Variants in PRR22 observed in about 807,000 individuals in gnomAD.
The protein encoded by PRR22 is proline-rich protein 22.
A neutral mutation model predicts 7.2 loss-of-function variants in PRR22; 5 were observed. That is an observed-to-expected ratio of 0.69 (90% CI 0.36 to 1.45). The LOEUF is 1.45. PRR22 is among the 40% of genes most tolerant of loss of function. The pLI, the probability that PRR22 is intolerant of heterozygous loss-of-function variation, is 0.03. For missense variants in PRR22, 619 were observed against 568.8 expected, an observed-to-expected ratio of 1.09 and a Z score of -0.90; for synonymous variants, 319 against 269.3, an observed-to-expected ratio of 1.18 and a Z score of -1.81.
In PRR22 at chr19:5,783,883, G is replaced by A. The variant is rs1365764083; in HGVS notation, c.364C>T (p.Leu122Phe). Reference sequence around the variant, plus strand: ...TATGGAGGCAGCCCCGGGGCCTTGAGGTAGGGCTGAGGCTCCAGGAGGTAG... The same window carrying A: ...TATGGAGGCAGCCCCGGGGCCTTGAAGTAGGGCTGAGGCTCCAGGAGGTAG... The part of the protein sequence containing the change: ...GSYLLEPQPY[L>F]KAPGLPPYPH... Residue 122 changes from leucine to phenylalanine, a missense_variant, in exon 3 of 3, where the codon CTC (leucine) becomes TTC (phenylalanine). By Grantham distance (22) the Leu-to-Phe change is conservative (BLOSUM62 0). Coordinates refer to ENST00000419421, the MANE Select transcript of PRR22 (RefSeq NM_001134316.2). 4 of 1,573,182 alleles carry A rather than the reference G, an allele frequency of 2.5e-6. No individual in the cohort carries two copies. The highest frequency in any genetic ancestry group is 3.4e-6 in the Non-Finnish European group (4 of 1,160,554).
At position 5,783,661 on chromosome 19, in the gene PRR22, C is replaced by A; in HGVS notation, c.586G>T (p.Val196Leu). The A allele has an allele frequency of 6.6e-7, 1 of 1,524,448 alleles. No individual in the cohort carries two copies. The highest frequency in any genetic ancestry group is 8.7e-7 in the Non-Finnish European group (1 of 1,145,424). The allele number at this position is 1,524,448 out of a possible 1,614,324, so 94.4% of individuals were successfully genotyped here. Residue 196 changes from valine to leucine, a missense_variant, in exon 3 of 3, where the codon GTA becomes TTA. Val to Leu is a conservative substitution (Grantham distance 32). Transcript: ENST00000419421. Reference sequence around the variant, plus strand: ...GGCTCTGCAGGCAGCGTGATGAGTACAGGGGGCGGCTTGTTCTCCTTGGGG... The same window carrying A: ...GGCTCTGCAGGCAGCGTGATGAGTAAAGGGGGCGGCTTGTTCTCCTTGGGG... Reference protein sequence around the residue: ...PPPKENKPPPVLITLPAEPTL... With the variant: ...PPPKENKPPPLLITLPAEPTL...
chr19:5,784,019 G>C lies in PRR22; in HGVS notation c.228C>G (p.Asp76Glu). ...FQMAPCGCFF[D>E]PRIYRIEWTT... ...TCCACTCGATCCGATAGATGCGGGG[G>C]TCGAAGAAGCACCCGCATGGGGCCA... The change falls in exon 3 of 3, where the codon GAC (aspartate) becomes GAG (glutamate). Residue 76 changes from aspartate to glutamate, a missense_variant. Transcript: ENST00000419421. 1 of 1,610,972 alleles carries C rather than the reference G, an allele frequency of 6.2e-7. No homozygotes were observed.
chr19:5,783,014 C>T lies in PRR22; in HGVS notation c.1233G>A (p.Pro411=), dbSNP rs575155632. The change falls in exon 3 of 3, where the codon CCG becomes CCA. Residue 411 remains proline, a synonymous_variant. Coordinates refer to ENST00000419421, the MANE Select transcript of PRR22 (RefSeq NM_001134316.2). ...QPAGPASATP[P]GPREDLGATP... The stretch of plus-strand genomic sequence containing the variant: ...TGGCTCCCAGGTCCTCCCTGGGCCC[C>T]GGGGGAGTGGCGCTGGCTGGGCCTG... 2.6e-5 allele frequency: 40 copies of T among 1,547,710 alleles called. No homozygotes were observed. The highest frequency in any genetic ancestry group is 1.8e-4 in the Middle Eastern group (1 of 5,640).
rs746595473 is a variant in PRR22, at chr19:5,784,006, G to A, written c.241C>T (p.Arg81Trp). ...CGCFFDPRIY[R>W]IEWTTPDLGQ... ...AGGTCGGGGGTGGTCCACTCGATCC[G>A]ATAGATGCGGGGGTCGAAGAAGCAC... The change falls in exon 3 of 3, where the codon CGG (arginine) becomes TGG (tryptophan). Residue 81 changes from arginine to tryptophan, a missense_variant. Physicochemically the swap from Arg to Trp is moderately radical, Grantham distance 101 (BLOSUM62 -3). Coordinates refer to ENST00000419421, the MANE Select transcript of PRR22 (RefSeq NM_001134316.2). The A allele has an allele frequency of 1.1e-5, 18 of 1,610,398 alleles. No homozygotes were observed. The Admixed American group carries it at 1.2e-4, about 10-fold the overall frequency.
At position 5,783,835 on chromosome 19, in the gene PRR22, C is replaced by G; in HGVS notation, c.412G>C (p.Gly138Arg). 1 of 1,543,322 alleles carries G rather than the reference C, an allele frequency of 6.5e-7. No individual in the cohort carries two copies. The highest frequency in any genetic ancestry group is 8.7e-7 in the Non-Finnish European group (1 of 1,143,696). ...TAGGGCAAGAGAAACTGGGGCCCCC[C>G]GGGTGCCTGCTGGTAGTGGGGGTAT... Reference protein sequence around the residue: ...PPYPHYQQAPGGPQFLLPYFP... With the variant: ...PPYPHYQQAPRGPQFLLPYFP... The change falls in exon 3 of 3, where the codon GGG becomes CGG. Residue 138 changes from glycine (G) to arginine (R), a missense_variant. Gly to Arg is a moderately radical substitution (Grantham distance 125, BLOSUM62 -2). Transcript: ENST00000419421.
At position 5,783,019 on chromosome 19, in the gene PRR22, G is replaced by T. The variant is rs762760503; in HGVS notation, c.1228C>A (p.Pro410Thr). 12 of 1,552,442 alleles carry T rather than the reference G, an allele frequency of 7.7e-6. No homozygotes were observed. The highest frequency in any genetic ancestry group is 4.5e-5 in the East Asian group (2 of 44,404). The change falls in exon 3 of 3, where the codon CCC (proline) becomes ACC (threonine). Residue 410 changes from proline (P) to threonine (T), a missense_variant. Pro to Thr is a conservative substitution (Grantham distance 38). Transcript: ENST00000419421. ...RQPAGPASAT[P>T]PGPREDLGAT... Reference sequence around the variant, plus strand: ...CCCAGGTCCTCCCTGGGCCCCGGGGGAGTGGCGCTGGCTGGGCCTGCCGGC... The same window carrying T: ...CCCAGGTCCTCCCTGGGCCCCGGGGTAGTGGCGCTGGCTGGGCCTGCCGGC...
rs548876705 is a variant in PRR22, at chr19:5,783,135, G to A, written c.1112C>T (p.Pro371Leu). The change falls in exon 3 of 3, where the codon CCC (proline) becomes CTC (leucine). Residue 371 changes from proline to leucine, a missense_variant. By Grantham distance (98) the Pro-to-Leu change is moderately conservative. Coordinates refer to ENST00000419421, the MANE Select transcript of PRR22 (RefSeq NM_001134316.2). Reference sequence around the variant, plus strand: ...GGGGGCCGGGGTGTTGGTGGCAGGGGGCCCCGGGTGGGGCGGCTGCTCCTC... The same window carrying A: ...GGGGGCCGGGGTGTTGGTGGCAGGGAGCCCCGGGTGGGGCGGCTGCTCCTC... Reference protein sequence around the residue: ...LDEEQPPHPGPPATNTPAPIL... With the variant: ...LDEEQPPHPGLPATNTPAPIL... The A allele has an allele frequency of 6.2e-7, 1 of 1,612,478 alleles. No individual in the cohort carries two copies. Among genetic ancestry groups the A allele is most frequent in the Non-Finnish European group, 8.5e-7 (1 of 1,179,822 alleles).
At position 5,783,447 on chromosome 19, in the gene PRR22, C is replaced by A; in HGVS notation, c.800G>T (p.Gly267Val). The A allele has an allele frequency of 1.2e-6, 2 of 1,610,612 alleles. No homozygotes were observed. Among genetic ancestry groups the A allele is most frequent in the South Asian group, 2.2e-5 (2 of 90,870 alleles). Residue 267 changes from glycine (G) to valine (V), a missense_variant, in exon 3 of 3, where the codon GGC (glycine) becomes GTC (valine). Transcript: ENST00000419421. ...EVKEGALLGAGKAKAPKTARA... is the reference protein window; with the variant it reads ...EVKEGALLGAVKAKAPKTARA... ...GGCCGTCTTGGGGGCCTTGGCCTTG[C>A]CTGCTCCCAGCAGGGCCCCCTCCTT...
rs2056810658 is a variant in PRR22 at position 5,783,357 on chromosome 19, G to A, written c.890C>T (p.Pro297Leu). 16 of 1,612,652 alleles carry A rather than the reference G, an allele frequency of 9.9e-6. No homozygotes were observed. The highest frequency in any genetic ancestry group is 1.4e-5 in the Non-Finnish European group (16 of 1,179,928). The part of the protein sequence containing the change: ...EDAMKLFDCL[P>L]GASEPEGTLC... The stretch of plus-strand genomic sequence containing the variant: ...GGTACCCTCAGGCTCAGAGGCGCCT[G>A]GCAGGCAGTCGAAGAGCTTCATGGC... The change falls in exon 3 of 3, where the codon CCA becomes CTA. Residue 297 changes from proline (P) to leucine (L), a missense_variant. Coordinates refer to ENST00000419421, the MANE Select transcript of PRR22 (RefSeq NM_001134316.2).
chr19:5,784,170 GGAC>G, intron 2 of PRR22, 117 bp from the exon 3 acceptor site: 1 of 1,110,152 alleles, frequency 9.0e-7, no homozygotes, highest in Non-Finnish European at 1.4e-6. Context: ...CCCCTTTGGG[GGAC>G]GACATAGATA....
rs1185415438 is a variant in PRR22, at chr19:5,783,665, G to A, written c.582C>T (p.Pro194=). The change falls in exon 3 of 3, where the codon CCC becomes CCT. Residue 194 remains proline, a synonymous_variant. Transcript: ENST00000419421. The part of the protein sequence containing the change: ...PPPPPKENKP[P]PVLITLPAEP... ...CTGCAGGCAGCGTGATGAGTACAGGGGGCGGCTTGTTCTCCTTGGGGGGTG... is the reference window on the plus strand; with the variant it reads ...CTGCAGGCAGCGTGATGAGTACAGGAGGCGGCTTGTTCTCCTTGGGGGGTG... 1.4e-5 allele frequency: 22 copies of A among 1,550,576 alleles called. No individual in the cohort carries two copies. Among genetic ancestry groups the A allele is most frequent in the Non-Finnish European group, 1.8e-5 (21 of 1,152,430 alleles).
chr19:5,783,914 T>C lies in PRR22; in HGVS notation c.333A>G (p.Pro111=). ...SGGPAGVPSA[P]GSYLLEPQPY... is the part of the protein sequence containing the mutation. ...GCTGAGGCTCCAGGAGGTAGCTGCCTGGGGCGGAGGGGACCCCCGCTGGCC... is the reference window on the plus strand; with the variant it reads ...GCTGAGGCTCCAGGAGGTAGCTGCCCGGGGCGGAGGGGACCCCCGCTGGCC... Residue 111 remains proline, a synonymous_variant, in exon 3 of 3, where the codon CCA becomes CCG. Coordinates refer to ENST00000419421, the MANE Select transcript of PRR22 (RefSeq NM_001134316.2). 6.3e-7 allele frequency: 1 copy of C among 1,575,746 alleles called. No individual in the cohort carries two copies. Among genetic ancestry groups the C allele is most frequent in the Non-Finnish European group, 8.6e-7 (1 of 1,161,946 alleles).
Position 5,783,091 on chromosome 19 carries a change from T to C in PRR22, c.1156A>G (p.Lys386Glu), listed in dbSNP as rs1310785245. The change falls in exon 3 of 3, where the codon AAG (lysine) becomes GAG (glutamate). Residue 386 changes from lysine to glutamate, a missense_variant. Transcript: ENST00000419421. The stretch of plus-strand genomic sequence containing the variant: ...TTTCCCTTCTTGGCCGTCGAGGCCT[T>C]TCTCTTGCCAGACAGAATGGGGGCC... ...TPAPILSGKR[K>E]ASTAKKGKPG... 3 of 1,608,980 alleles carry C rather than the reference T, an allele frequency of 1.9e-6. No homozygotes were observed. The East Asian group carries it at 6.7e-5, about 36-fold the overall frequency.
At position 5,783,982 on chromosome 19, in the gene PRR22, G is replaced by GAT. The variant is rs2056816496; in HGVS notation, c.264_265insAT (p.Leu89IlefsTer89). On this transcript the variant is annotated frameshift_variant, in exon 3 of 3. Coordinates refer to ENST00000419421, the MANE Select transcript of PRR22 (RefSeq NM_001134316.2). LOFTEE classifies it low-confidence loss of function (END_TRUNC). ...AGCTTATACAGGGCTGACTGGCCCA[G>GAT]GTCGGGGGTGGTCCACTCGATCCGA... 2 of 1,609,200 alleles carry GAT rather than the reference G, an allele frequency of 1.2e-6. No individual in the cohort carries two copies. Among genetic ancestry groups the GAT allele is most frequent in the Non-Finnish European group, 1.7e-6 (2 of 1,178,504 alleles).
Position 5,784,024 on chromosome 19 carries a change from A to C in PRR22, c.223T>G (p.Phe75Val). 1 of 1,611,018 alleles carries C rather than the reference A, an allele frequency of 6.2e-7. No homozygotes were observed. The highest frequency in any genetic ancestry group is 1.1e-5 in the South Asian group (1 of 90,986). ...TCGATCCGATAGATGCGGGGGTCGA[A>C]GAAGCACCCGCATGGGGCCATCTGG... is the stretch of plus-strand genomic sequence containing the variant. ...GFQMAPCGCF[F>V]DPRIYRIEWT... The change falls in exon 3 of 3, where the codon TTC becomes GTC. Residue 75 changes from phenylalanine to valine, a missense_variant. Coordinates refer to ENST00000419421, the MANE Select transcript of PRR22 (RefSeq NM_001134316.2).
Position 5,784,527 on chromosome 19 carries a change from G to A in PRR22, c.130+4C>T, listed in dbSNP as rs765864005. On this transcript the variant is annotated splice_donor_region_variant and intron_variant, in intron 1 of 2. Transcript: ENST00000419421. Reference sequence around the variant, plus strand: ...AGCAGGTGCTCCCACCCACCCGATCGTACCCATAGCGGGAGGAGGCTCGGC... The same window carrying A: ...AGCAGGTGCTCCCACCCACCCGATCATACCCATAGCGGGAGGAGGCTCGGC... 10 of 1,550,080 alleles carry A rather than the reference G, an allele frequency of 6.5e-6. No individual in the cohort carries two copies. Among genetic ancestry groups the A allele is most frequent in the East Asian group, 4.9e-5 (2 of 40,932 alleles).
Position 5,783,062 on chromosome 19 carries a change from C to G in PRR22, c.1185G>C (p.Pro395=). 1 of 1,590,038 alleles carries G rather than the reference C, an allele frequency of 6.3e-7. No individual in the cohort carries two copies. Among genetic ancestry groups the G allele is most frequent in the Non-Finnish European group, 8.6e-7 (1 of 1,167,516 alleles). Residue 395 remains proline (P), a synonymous_variant, in exon 3 of 3, where the codon CCG becomes CCC. Transcript: ENST00000419421. ...CTGCCGGCTGCCTGGCCTTCCTTCC[C>G]GGCTTTCCCTTCTTGGCCGTCGAGG... ...RKASTAKKGK[P]GRKARQPAGP...
At position 5,783,898 on chromosome 19, in the gene PRR22, C is replaced by G; in HGVS notation, c.349G>C (p.Glu117Gln). Residue 117 changes from glutamate to glutamine, a missense_variant, in exon 3 of 3, where the codon GAG (glutamate) becomes CAG (glutamine). Physicochemically the swap from Glu to Gln is conservative, Grantham distance 29. Transcript: ENST00000419421. ...VPSAPGSYLL[E>Q]PQPYLKAPGL... ...GGGGCCTTGAGGTAGGGCTGAGGCT[C>G]CAGGAGGTAGCTGCCTGGGGCGGAG... 6.4e-7 allele frequency: 1 copy of G among 1,573,750 alleles called. No individual in the cohort carries two copies. The highest frequency in any genetic ancestry group is 8.6e-7 in the Non-Finnish European group (1 of 1,161,036).
At position 5,784,539 on chromosome 19, in the gene PRR22, G is replaced by A. The variant is rs755444906; in HGVS notation, c.122C>T (p.Pro41Leu). 1.3e-5 allele frequency: 20 copies of A among 1,549,792 alleles called. 1 individual carries two copies. In the South Asian group the frequency reaches 2.1e-4, roughly 17 times the overall value. ...QPAPTCAEPP[P>L]AMGSLNLYHP... ...CACCCACCCGATCGTACCCATAGCG[G>A]GAGGAGGCTCGGCACAGGTGGGAGC... is the stretch of plus-strand genomic sequence containing the variant. The change falls in exon 1 of 3, where the codon CCC becomes CTC. Residue 41 changes from proline (P) to leucine (L), a missense_variant. By Grantham distance (98) the Pro-to-Leu change is moderately conservative (BLOSUM62 -3). Transcript: ENST00000419421.
Sources: allele counts gnomAD v4.1 joint callset, GRCh38; gene constraint gnomAD v4.1.1; transcripts MANE v1.5; gene names NCBI Gene and HGNC (gene_info 2026-07-23, HGNC 2026-07-21).